The following HPN variants were observed in gnomAD, a reference collection of about 807,000 sequenced individuals.
HPN encodes the protein serine protease hepsin.
In HPN, 13 loss-of-function variants were observed where a neutral mutation model predicts 55.9. That is an observed-to-expected ratio of 0.23 (90% CI 0.15 to 0.37). The LOEUF is 0.37. Among genes scored for constraint, HPN ranks in the 10% least tolerant of loss-of-function variants. The pLI is 1.00. For missense variants in HPN, 451 were observed against 575.8 expected (o/e 0.78, Z 2.22); for synonymous variants, 225 against 240.3 (o/e 0.94, Z 0.59).
chr19:35,049,563 G>T, intron 4 of HPN, 47 bp downstream of exon 4: 3 of 1,537,576 alleles, frequency 2.0e-6, no homozygotes, highest in Non-Finnish European at 2.7e-6. Flanking sequence ...TGGAGGACAC[G>T]TGTATCTGGC....
rs1289518923 is a variant in HPN, at chr19:35,059,928, G to C, written c.345G>C (p.Ser115=). 8 of 1,519,416 alleles carry C rather than the reference G, an allele frequency of 5.3e-6. No homozygotes were observed. The highest frequency in any genetic ancestry group is 7.0e-6 in the Non-Finnish European group (8 of 1,134,852). 94.1% of individuals were successfully genotyped at this position (1,519,416 alleles called of 1,614,324 possible). A position where few individuals can be genotyped will look rare whatever the true frequency, so the allele number is the denominator to read the frequency against. The part of the protein sequence containing the change: ...DVRTAGANGT[S]GFFCVDEGRL... ...GAACGGCGGGCGCCAATGGCACGTC[G>C]GGCTTCTTCTGTGTGGACGAGGGGA... Residue 115 remains serine, a synonymous_variant, in exon 6 of 13, where the codon TCG becomes TCC. Transcript: ENST00000672452.
chr19:35,055,188 GCTGGGTTCTAAC>G (rs1238894712), intron 4 of HPN, among the ~76,000 whole-genome samples: 1 of 152,106 alleles, frequency 6.6e-6, no homozygotes, highest in Non-Finnish European at 1.5e-5. Flanking sequence ...CTCAGGCTTT[GCTGGGTTCTAAC>G]CTGGCTATTG....
Position 35,060,439 on chromosome 19 carries a change from G to C in HPN, c.547G>C (p.Asp183His). 1 of 1,613,426 alleles carries C rather than the reference G, an allele frequency of 6.2e-7. No individual in the cohort carries two copies. The highest frequency in any genetic ancestry group is 1.1e-5 in the South Asian group (1 of 91,080). ...GCCGTGGCAAGTCAGCCTTCGCTAT[G>C]ATGGAGCACACCTCTGTGGGGGATC... Reference protein sequence around the residue: ...RWPWQVSLRYDGAHLCGGSLL... With the variant: ...RWPWQVSLRYHGAHLCGGSLL... The change falls in exon 8 of 13, where the codon GAT becomes CAT. Residue 183 changes from aspartate to histidine, a missense_variant. Around this residue, in one of 2 missense-constraint regions of HPN, gnomAD observed 378 missense variants for 445.5 expected, o/e 0.85. Coordinates refer to ENST00000672452, the MANE Select transcript of HPN (RefSeq NM_001384133.1).
At chr19:35,053,489 G>A (rs1314115842) in intron 4 of HPN, among the ~76,000 whole-genome samples, 1 of 151,462 alleles carries the variant, frequency 6.6e-6, no homozygotes, top group Admixed American at 6.6e-5. Context: ...GGTGGCTCAC[G>A]CCTGTAATCC....
Position 35,060,656 on chromosome 19 carries a change from T to C in HPN, c.650T>C (p.Val217Ala). 1.2e-6 allele frequency: 2 copies of C among 1,614,016 alleles called. No homozygotes were observed. Among genetic ancestry groups the C allele is most frequent in the Non-Finnish European group, 1.7e-6 (2 of 1,180,008 alleles). ...ERNRVLSRWR[V>A]FAGAVAQASP... Reference sequence around the variant, plus strand: ...AACCGGGTCCTGTCCCGATGGCGAGTGTTTGCCGGTGCCGTGGCCCAGGCC... The same window carrying C: ...AACCGGGTCCTGTCCCGATGGCGAGCGTTTGCCGGTGCCGTGGCCCAGGCC... Residue 217 changes from valine to alanine, a missense_variant, in exon 9 of 13, where the codon GTG becomes GCG. By Grantham distance (64) the Val-to-Ala change is moderately conservative. Around this residue, in one of 2 missense-constraint regions of HPN, gnomAD observed 378 missense variants for 445.5 expected, o/e 0.85. Coordinates refer to ENST00000672452, the MANE Select transcript of HPN (RefSeq NM_001384133.1).
chr19:35,054,949 A>G (rs972586423), intron 4 of HPN, among the ~76,000 whole-genome samples: 2 of 152,130 alleles, frequency 1.3e-5, no homozygotes, highest in African/African-American at 4.8e-5. Flanking sequence ...AGGATGCAAA[A>G]GCAAGTTTTC....
chr19:35,047,526 T>C (rs1036578778), intron 2 of HPN, among the ~76,000 whole-genome samples: 2 of 152,206 alleles, frequency 1.3e-5, no homozygotes, highest in African/African-American at 2.4e-5. Flanking sequence ...GTTCATTTAC[T>C]TGTTTCCTTG....
intron 9 of HPN, 89 bp downstream of exon 9, chr19:35,060,906 G>T: frequency 9.0e-7 from 1 of 1,109,974 alleles, no homozygotes; most frequent in Non-Finnish European, 1.3e-6. Context: ...ATCAACTTAT[G>T]GCTCAGGCAT....
chr19:35,049,857 GTTTGTT>G (rs1600382617), intron 4 of HPN, among the ~76,000 whole-genome samples: 2 of 82,748 alleles, frequency 2.4e-5, no homozygotes, highest in Non-Finnish European at 2.4e-5. Context: ...GCTAATTTTT[GTTTGTT>G]TTTTTTTTTT....
chr19:35,050,632 A>G (rs375082080), intron 4 of HPN: 4 of 797,684 alleles, frequency 5.0e-6, no homozygotes, highest in East Asian at 1.4e-4. Context: ...TCAAGCTGCC[A>G]TTCCCTGATG....
At position 35,066,413 on chromosome 19, in the gene HPN, C is replaced by T. The variant is rs971232253; in HGVS notation, c.*126C>T. The stretch of plus-strand genomic sequence containing the variant: ...CCACAGGTCCAAGGACACCCTCCCT[C>T]CAGGGTCCTCTCTTCCACAGTGGCG... On this transcript the variant is annotated 3_prime_UTR_variant, in exon 13 of 13. Transcript: ENST00000672452. 1.5e-6 allele frequency: 2 copies of T among 1,310,668 alleles called. No individual in the cohort carries two copies. The highest frequency in any genetic ancestry group is 2.9e-5 in the African/African-American group (2 of 68,088). The allele number at this position is 1,310,668 out of a possible 1,614,324, so 81.2% of individuals were successfully genotyped here.
intron 4 of HPN, 126 bp downstream of exon 4, chr19:35,049,642 C>CATTTGT: frequency 1.1e-6 from 1 of 911,424 alleles, no homozygotes; most frequent in South Asian, 1.6e-5. Flanking sequence ...CATAATAGTG[C>CATTTGT]ATTTGTATTG....
upstream of HPN, among the ~76,000 whole-genome samples, chr19:35,040,787 G>A (rs2064285310): frequency 6.6e-6 from 1 of 152,212 alleles, no homozygotes; most frequent in Non-Finnish European, 1.5e-5. Flanking sequence ...AAAGGCAGAG[G>A]AAGCCAGGCT....
At chr19:35,048,036 G>GAAAA (rs1447082908) in intron 2 of HPN, among the ~76,000 whole-genome samples, 1 of 49,916 alleles carries the variant, frequency 2.0e-5, no homozygotes, top group Non-Finnish European at 3.6e-5. Flanking sequence ...GAAAAAGAAA[G>GAAAA]AAAGAAAGAA....
intron 4 of HPN, among the ~76,000 whole-genome samples, chr19:35,051,326 C>G (rs1421660970): frequency 6.6e-6 from 1 of 152,088 alleles, no homozygotes; most frequent in Non-Finnish European, 1.5e-5. Context: ...CCAGGATGGT[C>G]TCAAACTCCT....
chr19:35,049,552 C>G (rs1600382281), intron 4 of HPN, 36 bp downstream of exon 4: 3 of 1,568,758 alleles, frequency 1.9e-6, no homozygotes, highest in Non-Finnish European at 2.6e-6. Flanking sequence ...TGGGGGAGCC[C>G]TGGAGGACAC....
intron 4 of HPN, among the ~76,000 whole-genome samples, chr19:35,054,176 G>GGGA (rs2064431652): frequency 6.6e-6 from 1 of 152,210 alleles, no homozygotes; most frequent in South Asian, 2.1e-4. Context: ...CCAGCACTTG[G>GGGA]GGAGGCCAAG....
chr19:35,056,351 G>A (rs990659680), intron 4 of HPN, among the ~76,000 whole-genome samples: 1 of 152,072 alleles, frequency 6.6e-6, no homozygotes, highest in Non-Finnish European at 1.5e-5. Flanking sequence ...CACAGGGGTC[G>A]GGGTTTTTGT....
chr19:35,060,910 C>T, intron 9 of HPN, 93 bp downstream of exon 9: 1 of 1,081,906 alleles, frequency 9.2e-7, no homozygotes, highest in Non-Finnish European at 1.3e-6. Flanking sequence ...ACTTATGGCT[C>T]AGGCATCCTT....
Sources: allele counts gnomAD v4.1 joint callset (sites outside exome capture counted in the v4.1 genomes callset), GRCh38; gene constraint gnomAD v4.1.1; regional missense constraint gnomAD v4.1.1; transcripts MANE v1.5; gene names NCBI Gene and HGNC (gene_info 2026-07-23, HGNC 2026-07-21).